CHD8: variants seen among roughly 807,000 people sequenced by gnomAD.
CHD8 encodes the protein chromodomain helicase DNA binding protein 8, also known as ATP-dependent chromatin remodeler CHD8.
CHD8 carries 31 observed loss-of-function variants against 279.2 expected under a neutral mutation model. The ratio of observed to expected loss-of-function variants is 0.11; its 90% confidence interval spans 0.08 to 0.15. CHD8 has a LOEUF of 0.15. CHD8 is among the 10% of genes least tolerant of loss of function. CHD8 has a pLI of 1.00. For synonymous variants in CHD8, 1,081 were observed against 1,139.6 expected, an observed-to-expected ratio of 0.95 and a Z score of 1.04; for missense variants, 2,146 against 3,230.5, an observed-to-expected ratio of 0.66 and a Z score of 8.14.
chr14:21,396,231 A>T (rs1887777939), intron 27 of CHD8, among the ~76,000 whole-genome samples: 1 of 152,066 alleles, frequency 6.6e-6, no homozygotes, highest in African/African-American at 2.4e-5. Flanking sequence ...CCTGGGCTCA[A>T]ATAATTCACA....
intron 27 of CHD8, 173 bp downstream of exon 27, chr14:21,397,650 T>C (rs906346905): frequency 1.7e-6 from 1 of 598,078 alleles, no homozygotes; most frequent in Non-Finnish European, 2.9e-6. Context: ...ATGTATCTTA[T>C]GGCAACATGT....
At chr14:21,425,237 C>T (rs1051480277) in intron 5 of CHD8, 2 of 151,962 alleles carry the variant, frequency 1.3e-5, no homozygotes, top group African/African-American at 2.4e-5. Flanking sequence ...AAGTTCTGGC[C>T]CAACCAGAAG....
chr14:21,437,353 G>A (rs563194284), intron 1 of CHD8: 10 of 864,650 alleles, frequency 1.2e-5, no homozygotes, highest in South Asian at 9.2e-5. Context: ...GCAAAACAGC[G>A]CAAAGGGTGG....
In CHD8 at chr14:21,424,853, G is replaced by A. The variant is rs557040086; in HGVS notation, c.1716+1275C>T. The stretch of plus-strand genomic sequence containing the variant: ...TACCGAATGTATATTATGAAAGAGG[G>A]GAGGCACTTATAAATATTAATAGAG... On this transcript the variant is annotated intron_variant, in intron 5 of 37. Transcript: ENST00000646647. Among the ~76,000 whole-genome samples, 99 of 152,234 alleles carry A rather than the reference G, an allele frequency of 6.5e-4. 3 individuals are homozygous for A. The South Asian group carries it at 0.02, about 31-fold the overall frequency.
chr14:21,386,146 C>G lies in CHD8; in HGVS notation c.7213G>C (p.Val2405Leu). 4 of 1,552,178 alleles carry G rather than the reference C, an allele frequency of 2.6e-6. No individual in the cohort carries two copies. The South Asian group carries it at 4.8e-5, about 18-fold the overall frequency. Residue 2405 changes from valine (V) to leucine (L), a missense_variant, in exon 38 of 38, where the codon GTT becomes CTT. By Grantham distance (32) the Val-to-Leu change is conservative (BLOSUM62 1). This residue lies in a region of CHD8 where 336 missense variants were observed against 392.9 expected (regional missense o/e 0.86). Transcript: ENST00000646647. ...GHHTETVFNRVLPGPIAPESS... is the reference protein window; with the variant it reads ...GHHTETVFNRLLPGPIAPESS... ...TCTGGTGCAATAGGCCCTGGCAAAA[C>G]CCGGTTGAACACCGTTTCAGTGTGA...
intron 9 of CHD8, among the ~76,000 whole-genome samples, chr14:21,413,493 CA>C (rs1042785754): frequency 6.6e-6 from 1 of 151,192 alleles, no homozygotes; most frequent in Non-Finnish European, 1.5e-5. Context: ...CTCCTACGTT[CA>C]AGTGATTCTC....
chr14:21,414,591 T>C (rs1201715524), intron 8 of CHD8, 173 bp from the exon 9 acceptor site: 2 of 599,344 alleles, frequency 3.3e-6, no homozygotes, highest in African/African-American at 1.9e-5. Context: ...CCACCTGGTA[T>C]GGGATGTGCT....
chr14:21,423,065 T>C (rs893251582), intron 5 of CHD8, among the ~76,000 whole-genome samples: 22 of 149,860 alleles, frequency 1.5e-4, no homozygotes, highest in African/African-American at 5.4e-4. Context: ...ACTAAAAATA[T>C]AAAAATTAGC....
chr14:21,434,206 C>T lies in CHD8; in HGVS notation c.-215-2348G>A, dbSNP rs568147049. ...GATTACAGGCCTGCGCCACCACACT[C>T]GGCTAATTTTGTATTTTTAGTAGAG... On this transcript the variant is annotated intron_variant, in intron 1 of 37. Coordinates refer to ENST00000646647, the MANE Select transcript of CHD8 (RefSeq NM_001170629.2). 5.3e-5 allele frequency among the ~76,000 whole-genome samples: 8 copies of T among 152,056 alleles called. No individual in the cohort carries two copies. The South Asian group carries it at 8.3e-4, about 16-fold the overall frequency.
chr14:21,452,787 C>A (rs1890288712), intron 1 of CHD8, among the ~76,000 whole-genome samples: 1 of 151,358 alleles, frequency 6.6e-6, no homozygotes, highest in Admixed American at 6.6e-5. Context: ...AGTTAAAGAC[C>A]AGCCTGGCCA....
intron 5 of CHD8, among the ~76,000 whole-genome samples, chr14:21,421,124 AG>A (rs1889024454): frequency 6.6e-6 from 1 of 152,180 alleles, no homozygotes; most frequent in Non-Finnish European, 1.5e-5. Context: ...AATTTCACAC[AG>A]GGCCAAAGGA....
In CHD8 at chr14:21,431,829, C is replaced by G. The variant is rs777852959; in HGVS notation, c.-186G>C. 6.2e-7 allele frequency: 1 copy of G among 1,613,168 alleles called. No homozygotes were observed. The highest frequency in any genetic ancestry group is 2.2e-5 in the East Asian group (1 of 44,878). On this transcript the variant is annotated 5_prime_UTR_variant, in exon 2 of 38. Transcript: ENST00000646647. Reference sequence around the variant, plus strand: ...TCCTGACCTTCATGGAGCAAGATGGCTACGTCTTCAGAGGAAGATGGTGGA... The same window carrying G: ...TCCTGACCTTCATGGAGCAAGATGGGTACGTCTTCAGAGGAAGATGGTGGA...
chr14:21,455,639 C>G (rs998504924), intron 1 of CHD8, among the ~76,000 whole-genome samples: 15 of 152,166 alleles, frequency 9.9e-5, no homozygotes, highest in African/African-American at 3.6e-4. Flanking sequence ...AAACCCTAAC[C>G]ACCTATTTCT....
Position 21,428,984 on chromosome 14 carries a change from T to G in CHD8, c.1195A>C (p.Lys399Gln), listed in dbSNP as rs1064795674. 2.5e-6 allele frequency: 4 copies of G among 1,613,946 alleles called. No individual in the cohort carries two copies. The highest frequency in any genetic ancestry group is 3.4e-6 in the Non-Finnish European group (4 of 1,179,814). Residue 399 changes from lysine (K) to glutamine (Q), a missense_variant, in exon 3 of 38, where the codon AAG (lysine) becomes CAG (glutamine). This residue lies in a region of CHD8 where 170 missense variants were observed against 189.9 expected (regional missense o/e 0.90). Transcript: ENST00000646647. The part of the protein sequence containing the change: ...SPGQRLSVPV[K>Q]VVLQPQAGSS... ...CTCACCTGTGGCTGCAGTACCACCT[T>G]GACTGGTACTGAAAGTCTTTGTCCT...
chr14:21,400,092 C>G lies in CHD8; in HGVS notation c.4728-22G>C. ...TACCCTAGAAAGGACAGAGGAAGAG[C>G]TGGCTCAGTAACACTGTAGAAGTTT... On this transcript the variant is annotated intron_variant, in intron 24 of 37. Coordinates refer to ENST00000646647, the MANE Select transcript of CHD8 (RefSeq NM_001170629.2). This position sits in a 1 kb window ranked among gnomAD's most constrained non-coding sequence, Gnocchi z 4.2. 6.2e-7 allele frequency: 1 copy of G among 1,613,276 alleles called. No homozygotes were observed. The highest frequency in any genetic ancestry group is 8.5e-7 in the Non-Finnish European group (1 of 1,179,316).
chr14:21,451,988 C>G (rs753082615), intron 1 of CHD8, among the ~76,000 whole-genome samples: 17 of 152,034 alleles, frequency 1.1e-4, no homozygotes, highest in Non-Finnish European at 2.4e-4. Flanking sequence ...ACCCACAAAA[C>G]TGAGAGATTA....
Position 21,408,826 on chromosome 14 carries a change from C to T in CHD8, c.2365-1G>A. The T allele has an allele frequency of 6.2e-7, 1 of 1,604,910 alleles. No individual in the cohort carries two copies. The highest frequency in any genetic ancestry group is 8.5e-7 in the Non-Finnish European group (1 of 1,175,424). On this transcript the variant is annotated splice_acceptor_variant, in intron 11 of 37. Coordinates refer to ENST00000646647, the MANE Select transcript of CHD8 (RefSeq NM_001170629.2). LOFTEE classifies it high-confidence loss of function. This position sits in a 1 kb window ranked among gnomAD's most constrained non-coding sequence, Gnocchi z 4.3. ...TCCAGGCACTTGCCTGCGGACGATTCTAAAAAACAAGACGTTTGAATAAAT... is the reference window on the plus strand; with the variant it reads ...TCCAGGCACTTGCCTGCGGACGATTTTAAAAAACAAGACGTTTGAATAAAT...
chr14:21,411,441 GA>G (rs1348671065), intron 10 of CHD8, among the ~76,000 whole-genome samples: 2 of 152,166 alleles, frequency 1.3e-5, no homozygotes, highest in Non-Finnish European at 2.9e-5. Context: ...TTTTATAGAG[GA>G]AAGAATTTAA....
At chr14:21,436,850 G>T in intron 1 of CHD8, 1 of 712,230 alleles carries the variant, frequency 1.4e-6, no homozygotes, top group Non-Finnish European at 2.1e-6. Context: ...AGGGGTTGAT[G>T]GAGAGGAAAA....
Sources: allele counts gnomAD v4.1 joint callset (sites outside exome capture counted in the v4.1 genomes callset), GRCh38; gene constraint gnomAD v4.1.1; regional missense constraint gnomAD v4.1.1; non-coding constraint Gnocchi (gnomAD v3.1); transcripts MANE v1.5; gene names NCBI Gene and HGNC (gene_info 2026-07-23, HGNC 2026-07-21).